The following LYST variants were observed in gnomAD, a reference collection of about 807,000 sequenced individuals.
LYST encodes the protein lysosomal-trafficking regulator.
In LYST, 192 loss-of-function variants were observed where a neutral mutation model predicts 413.6. The ratio of observed to expected loss-of-function variants is 0.46; its 90% CI spans 0.41 to 0.52. The LOEUF is 0.52. Among genes scored for constraint, LYST ranks in the 20% least tolerant of loss-of-function variants. The pLI, the probability that LYST is intolerant of heterozygous loss-of-function variation, is 0.00. For synonymous variants in LYST, 1,525 were observed against 1,567.3 expected, an observed-to-expected ratio of 0.97 and a Z score of 0.64; for missense variants, 3,815 against 4,499.9, an observed-to-expected ratio of 0.85 and a Z score of 4.35.
Position 235,720,912 on chromosome 1 carries a change from G to A in LYST, c.9316-7C>T. 6.2e-7 allele frequency: 1 copy of A among 1,613,036 alleles called. No individual in the cohort carries two copies. Among genetic ancestry groups the A allele is most frequent in the Non-Finnish European group, 8.5e-7 (1 of 1,179,346 alleles). On this transcript the variant is annotated splice_polypyrimidine_tract_variant and splice_region_variant and intron_variant, in intron 39 of 52. Transcript: ENST00000389793. ...GGTATACATCATCACGAACCTAAAA[G>A]GGAAGGAGAAGAAAAAAACCCAGAT...
chr1:235,758,481 G>T lies in LYST; in HGVS notation c.6881+491C>A, dbSNP rs145649269. 4.4e-3 allele frequency among the ~76,000 whole-genome samples: 672 copies of T among 152,284 alleles called. 1 individual carries two copies. The highest frequency in any genetic ancestry group is 7.4e-3 in the Non-Finnish European group (506 of 68,028). On this transcript the variant is annotated intron_variant, in intron 23 of 52. Coordinates refer to ENST00000389793, the MANE Select transcript of LYST (RefSeq NM_000081.4). Reference sequence around the variant, plus strand: ...CTGCCAATGTTCAGCACTAAGACCTGCATTATAATTACCTGAGTGGAATGG... The same window carrying T: ...CTGCCAATGTTCAGCACTAAGACCTTCATTATAATTACCTGAGTGGAATGG...
chr1:235,869,510 A>G (rs1003005652), upstream of LYST, among the ~76,000 whole-genome samples: 2 of 152,232 alleles, frequency 1.3e-5, no homozygotes, highest in Non-Finnish European at 2.9e-5. Flanking sequence ...CTACTTACGC[A>G]TGTATCACAT....
rs35333195 is a variant in LYST, at chr1:235,734,607, C to T, written c.8411G>A (p.Gly2804Asp). Residue 2804 changes from glycine to aspartate, a missense_variant, in exon 32 of 53, where the codon GGT (glycine) becomes GAT (aspartate). Gly to Asp is a moderately conservative substitution (Grantham distance 94). Around this residue, in one of 4 missense-constraint regions of LYST, gnomAD observed 771 missense variants for 837.1 expected, o/e 0.92. Transcript: ENST00000389793. ...GCCTAGCTCTTCTTCAGTCAATTCA[C>T]CTTGGTGATTATGTATCAACTCTGA... ...YLSELIHNHQGELTEEELGTA... is the reference protein window; with the variant it reads ...YLSELIHNHQDELTEEELGTA... 11,455 of 1,612,852 alleles carry T rather than the reference C, an allele frequency of 7.1e-3. 680 individuals carry two copies. The African/African-American group carries it at 0.13, about 18-fold the overall frequency.
rs779163949 is a variant in LYST, at chr1:235,812,995, G to T, written c.259C>A (p.Pro87Thr). 12 of 1,610,920 alleles carry T rather than the reference G, an allele frequency of 7.4e-6. No homozygotes were observed. The Admixed American group carries it at 2.0e-4, about 27-fold the overall frequency. Residue 87 changes from proline (P) to threonine (T), a missense_variant, in exon 4 of 53, where the codon CCT becomes ACT. Around this residue, in one of 4 missense-constraint regions of LYST, gnomAD observed 1,648 missense variants for 1,810.3 expected, o/e 0.91. Coordinates refer to ENST00000389793, the MANE Select transcript of LYST (RefSeq NM_000081.4). The part of the protein sequence containing the change: ...LSLLPLVWKI[P>T]VQEEKATDFN... ...CCTGTTGCCTTTTCTTCTTGGACAG[G>T]TATCTTCCATACCAGTGGAAGGAGA...
intron 24 of LYST, 144 bp from the exon 25 acceptor site, chr1:235,755,791 G>T: frequency 1.8e-6 from 1 of 568,042 alleles, no homozygotes; most frequent in East Asian, 3.0e-5. Context: ...CACCACCACA[G>T]CAAAGCAGAA....
chr1:235,684,838 A>C (rs1660085332), intron 48 of LYST, among the ~76,000 whole-genome samples: 1 of 151,910 alleles, frequency 6.6e-6, no homozygotes, highest in Non-Finnish European at 1.5e-5. Flanking sequence ...TATGTTGCCC[A>C]GGCTGGTCTC....
rs1296729069 is a variant in LYST at position 235,806,361 on chromosome 1, A to T, written c.2775T>A (p.Asp925Glu). 6.2e-7 allele frequency: 1 copy of T among 1,614,050 alleles called. No individual in the cohort carries two copies. ...SDRESANDSE[D>E]TSGYDSTASE... ...TGGCTGTGCTGTCATAGCCAGAAGT[A>T]TCTTCTGAGTCATTGGCCGACTCCC... The change falls in exon 6 of 53, where the codon GAT (aspartate) becomes GAA (glutamate). Residue 925 changes from aspartate to glutamate, a missense_variant. Coordinates refer to ENST00000389793, the MANE Select transcript of LYST (RefSeq NM_000081.4).
chr1:235,681,675 G>T (rs997428802), intron 48 of LYST, among the ~76,000 whole-genome samples: 2 of 152,130 alleles, frequency 1.3e-5, no homozygotes, highest in Admixed American at 1.3e-4. Flanking sequence ...GCCAAGAATT[G>T]CTGTGATTCT....
chr1:235,751,087 A>G, intron 28 of LYST, 123 bp downstream of exon 28: 1 of 995,944 alleles, frequency 1.0e-6, no homozygotes, highest in South Asian at 1.3e-5. Context: ...TTCCTTCAGG[A>G]AAAAATCTTT....
At position 235,759,371 on chromosome 1, in the gene LYST, T is replaced by G. The variant is rs147756847; in HGVS notation, c.6482A>C (p.Glu2161Ala). The G allele has an allele frequency of 5.1e-3, 8,244 of 1,614,230 alleles. 47 individuals carry two copies. The highest frequency in any genetic ancestry group is 0.012 in the Middle Eastern group (70 of 6,062). The change falls in exon 23 of 53, where the codon GAG becomes GCG. Residue 2161 changes from glutamate to alanine, a missense_variant. Coordinates refer to ENST00000389793, the MANE Select transcript of LYST (RefSeq NM_000081.4). ...GSSDTLKKGK[E>A]DAFISSCESA... ...CTCACAGCTACTGATGAATGCGTCC[T>G]CTTTGCCTTTTTTCAGTGTGTCGGA...
intron 3 of LYST, chr1:235,828,734 G>T: frequency 1.1e-6 from 1 of 907,302 alleles, no homozygotes; most frequent in Non-Finnish European, 1.3e-6. Context: ...TTTATTGTGG[G>T]GAAGAACAGA....
chr1:235,732,007 G>GA (rs202027621), intron 34 of LYST, among the ~76,000 whole-genome samples: 8 of 150,794 alleles, frequency 5.3e-5, no homozygotes, highest in Non-Finnish European at 7.4e-5. Flanking sequence ...ATAAATAAGA[G>GA]AAAAAAATAC....
chr1:235,758,846 T>A, intron 23 of LYST, 126 bp downstream of exon 23: 1 of 788,104 alleles, frequency 1.3e-6, no homozygotes, highest in Non-Finnish European at 2.1e-6. Flanking sequence ...ATTATGTATA[T>A]AAAGAAATAA....
Position 235,777,094 on chromosome 1 carries a change from C to G in LYST, c.5429G>C (p.Gly1810Ala). The G allele has an allele frequency of 6.2e-7, 1 of 1,613,502 alleles. No homozygotes were observed. The highest frequency in any genetic ancestry group is 8.5e-7 in the Non-Finnish European group (1 of 1,179,620). Residue 1810 changes from glycine to alanine, a missense_variant, in exon 17 of 53, where the codon GGA becomes GCA. Gly to Ala is a moderately conservative substitution (Grantham distance 60). Around this residue, in one of 4 missense-constraint regions of LYST, gnomAD observed 530 missense variants for 696.5 expected, o/e 0.76. Coordinates refer to ENST00000389793, the MANE Select transcript of LYST (RefSeq NM_000081.4). ...AAAGAGAAAAACAAATATGCCAGTT[C>G]CACCAATTTCGTGCAGAATGCCTTG... Reference protein sequence around the residue: ...TIQGILHEIGGTGIFVFLFAR... With the variant: ...TIQGILHEIGATGIFVFLFAR...
At chr1:235,867,340 A>G (rs1410534390), upstream of LYST, among the ~76,000 whole-genome samples, 1 of 152,192 alleles carries the variant, frequency 6.6e-6, no homozygotes, top group African/African-American at 2.4e-5. Context: ...CCCATTGTGT[A>G]GGTCTAGAGG....
intron 3 of LYST, among the ~76,000 whole-genome samples, chr1:235,822,866 GCCTAC>G (rs1674911567): frequency 6.6e-6 from 1 of 152,172 alleles, no homozygotes; most frequent in Non-Finnish European, 1.5e-5. Context: ...GCTGAGTCTA[GCCTAC>G]TGAAAGATGA....
At position 235,759,176 on chromosome 1, in the gene LYST, C is replaced by T. The variant is rs1176994714; in HGVS notation, c.6677G>A (p.Arg2226Gln). The T allele has an allele frequency of 8.1e-6, 13 of 1,613,970 alleles. No individual in the cohort carries two copies. Among genetic ancestry groups the T allele is most frequent in the East Asian group, 2.2e-5 (1 of 44,884 alleles). Residue 2226 changes from arginine (R) to glutamine (Q), a missense_variant, in exon 23 of 53, where the codon CGA becomes CAA. Physicochemically the swap from Arg to Gln is conservative, Grantham distance 43 (BLOSUM62 1). Coordinates refer to ENST00000389793, the MANE Select transcript of LYST (RefSeq NM_000081.4). ...GGCCAATCCCTTTAGGTAATCAGGT[C>T]GGCGTGGGCAGGACTCATCCCCAGG... ...DSPGDESCPR[R>Q]PDYLKGLASF...
intron 1 of LYST, among the ~76,000 whole-genome samples, chr1:235,844,099 T>C (rs1042891100): frequency 3.3e-5 from 5 of 152,200 alleles, no homozygotes; most frequent in African/African-American, 1.2e-4. Context: ...AAATCTGCCA[T>C]GATTTGAAGC....
chr1:235,724,949 A>G (rs1663720595), intron 38 of LYST, among the ~76,000 whole-genome samples: 1 of 152,242 alleles, frequency 6.6e-6, no homozygotes, highest in African/African-American at 2.4e-5. Flanking sequence ...ATGTGTCTGC[A>G]TATGCATGCA....
Sources: gnomAD v4.1 joint callset for allele counts (sites outside exome capture counted in the v4.1 genomes callset) on GRCh38, gnomAD v4.1.1 for gene constraint, gnomAD v4.1.1 regional missense constraint, MANE v1.5 for transcripts, NCBI Gene and HGNC (gene_info 2026-07-23, HGNC 2026-07-21) for gene names.